The following HSF2BP variants were observed in gnomAD, a reference collection of about 807,000 sequenced individuals.
HSF2BP encodes heat shock factor 2-binding protein.
In HSF2BP, 35 loss-of-function variants were observed where a neutral mutation model predicts 35.0. That is an observed-to-expected ratio of 1.00 (90% CI 0.76 to 1.32). HSF2BP has a LOEUF of 1.32. Ranked by LOEUF, HSF2BP falls within the 40% of genes most tolerant of loss-of-function variation. HSF2BP has a pLI of 0.00. For missense variants in HSF2BP, 326 were observed against 321.7 expected (o/e 1.01, Z -0.10); for synonymous variants, 114 against 117.4 (o/e 0.97, Z 0.18).
intron 8 of HSF2BP, among the ~76,000 whole-genome samples, chr21:43,591,659 CT>C (rs1423316635): frequency 6.6e-6 from 1 of 152,196 alleles, no homozygotes; most frequent in Non-Finnish European, 1.5e-5. Flanking sequence ...CAGTAGGCCC[CT>C]CTTATCCACA....
At chr21:43,573,243 C>CG (rs985952292) in intron 8 of HSF2BP, among the ~76,000 whole-genome samples, 10 of 152,270 alleles carry the variant, frequency 6.6e-5, no homozygotes, top group South Asian at 2.1e-4. Context: ...CCCAGTGTGA[C>CG]GGGGGGCTGA....
chr21:43,635,734 T>C (rs2082542607), intron 4 of HSF2BP, among the ~76,000 whole-genome samples: 3 of 152,058 alleles, frequency 2.0e-5, no homozygotes, highest in East Asian at 3.9e-4. Context: ...CTGACCAACA[T>C]GGTAAAACCC....
intron 4 of HSF2BP, among the ~76,000 whole-genome samples, chr21:43,643,539 T>A (rs1568938069): frequency 1.3e-5 from 2 of 152,174 alleles, no homozygotes; most frequent in Non-Finnish European, 2.9e-5. Flanking sequence ...TGTGATCTCG[T>A]CACACAGCCA....
At chr21:43,658,019 CG>C in intron 2 of HSF2BP, 41 bp downstream of exon 2, 1 of 1,535,046 alleles carries the variant, frequency 6.5e-7, no homozygotes, top group East Asian at 2.4e-5. Flanking sequence ...CGAATGGCGA[CG>C]GTTCAAACAC....
rs554410446 is a variant in HSF2BP, at chr21:43,615,030, C to T, written c.575-1083G>A. ...ACCAGACCGAGTAATTACACTGCTC[C>T]CAATGGGCAGTGCTGCAGCCATTAC... On this transcript the variant is annotated intron_variant, in intron 6 of 8. Coordinates refer to ENST00000291560, the MANE Select transcript of HSF2BP (RefSeq NM_007031.2). Among the ~76,000 whole-genome samples the T allele has an allele frequency of 2.0e-5, 3 of 152,278 alleles. No individual in the cohort carries two copies. The East Asian group carries it at 5.8e-4, about 29-fold the overall frequency.
intron 7 of HSF2BP, among the ~76,000 whole-genome samples, chr21:43,612,107 A>G (rs1039564658): frequency 1.3e-5 from 2 of 152,202 alleles, no homozygotes; most frequent in Admixed American, 1.3e-4. Context: ...GAAACCAAAC[A>G]GAGAAAAGGC....
chr21:43,658,411 C>T (rs1350123474), intron 1 of HSF2BP, 91 bp from the exon 2 acceptor site: 3 of 373,948 alleles, frequency 8.0e-6, no homozygotes, highest in African/African-American at 2.1e-5. Context: ...GAATGCTACA[C>T]TAAGGGGGAC....
intron 4 of HSF2BP, among the ~76,000 whole-genome samples, chr21:43,636,838 GCGGAGATCA>G (rs951204115): frequency 7.0e-6 from 1 of 143,596 alleles, no homozygotes; most frequent in Middle Eastern, 3.7e-3. Flanking sequence ...GCTGCAGTAA[GCGGAGATCA>G]CACCACTACA....
intron 8 of HSF2BP, among the ~76,000 whole-genome samples, chr21:43,571,799 T>C (rs559768689): frequency 7.7e-6 from 1 of 130,112 alleles, no homozygotes; most frequent in Admixed American, 8.0e-5. Context: ...GTGATGAGGA[T>C]GCCCAGGGTT....
In HSF2BP at chr21:43,633,253, G is replaced by C. The variant is rs773893186; in HGVS notation, c.441+19C>G. The C allele has an allele frequency of 2.5e-6, 4 of 1,604,346 alleles. No individual in the cohort carries two copies. The highest frequency in any genetic ancestry group is 3.4e-6 in the Non-Finnish European group (4 of 1,177,112). On this transcript the variant is annotated intron_variant, in intron 5 of 8. Coordinates refer to ENST00000291560, the MANE Select transcript of HSF2BP (RefSeq NM_007031.2). The stretch of plus-strand genomic sequence containing the variant: ...AGCAGTAATCAACAATATCTGGAGA[G>C]CCCACTGACCATACTTACTCCTCCC...
At chr21:43,650,658 C>G (rs1038580582) in intron 3 of HSF2BP, among the ~76,000 whole-genome samples, 8 of 150,986 alleles carry the variant, frequency 5.3e-5, no homozygotes, top group Non-Finnish European at 8.8e-5. Flanking sequence ...AGTGCCACTA[C>G]CTTAACAAGT....
chr21:43,656,701 T>C lies in HSF2BP; in HGVS notation c.73A>G (p.Lys25Glu), dbSNP rs1348156139. The part of the protein sequence containing the change: ...GTKEEFVKVR[K>E]KDLERLTTEV... The stretch of plus-strand genomic sequence containing the variant: ...GTTGTCAGCCGTTCCAGATCCTTCT[T>C]TCTGACTTTAACAAATTCCTCTTTA... The change falls in exon 3 of 9, where the codon AAG (lysine) becomes GAG (glutamate). Residue 25 changes from lysine to glutamate, a missense_variant. By Grantham distance (56) the Lys-to-Glu change is moderately conservative (BLOSUM62 1). Coordinates refer to ENST00000291560, the MANE Select transcript of HSF2BP (RefSeq NM_007031.2). 1 of 1,613,864 alleles carries C rather than the reference T, an allele frequency of 6.2e-7. No individual in the cohort carries two copies. The highest frequency in any genetic ancestry group is 1.3e-5 in the African/African-American group (1 of 74,926).
At chr21:43,657,006 ATTTGGGAGGCCAGGAG>A (rs2082879343) in intron 2 of HSF2BP, among the ~76,000 whole-genome samples, 4 of 152,184 alleles carry the variant, frequency 2.6e-5, no homozygotes, top group Admixed American at 2.6e-4. Flanking sequence ...AATCCCAGGA[ATTTGGGAGGCCAGGAG>A]TTCAAGACCA....
chr21:43,653,220 AGGGAAGGGAAG>A lies in HSF2BP; in HGVS notation c.187+3356_187+3366del, dbSNP rs1311409720. On this transcript the variant is annotated intron_variant, in intron 3 of 8. Coordinates refer to ENST00000291560, the MANE Select transcript of HSF2BP (RefSeq NM_007031.2). ...GGAAGGGGAAGGGAAGGGAAGGGGAAGGGAAGGGAAGGGGAAGGGAAGGGGAGGGGAGGGGA... is the reference window on the plus strand; with the variant it reads ...GGAAGGGGAAGGGAAGGGAAGGGGAAGGGAAGGGAAGGGGAGGGGAGGGGA... 3.5e-4 allele frequency among the ~76,000 whole-genome samples: 35 copies of A among 98,996 alleles called. No individual in the cohort carries two copies. The East Asian group carries it at 5.6e-3, about 16-fold the overall frequency. The allele number at this position is 98,996 out of a possible 152,430, so 64.9% of individuals were successfully genotyped here. A position where few individuals can be genotyped will look rare whatever the true frequency, so the allele number is the denominator to read the frequency against.
intron 8 of HSF2BP, 80 bp downstream of exon 8, chr21:43,592,145 T>C (rs1340315773): frequency 5.6e-6 from 5 of 888,346 alleles, no homozygotes; most frequent in Non-Finnish European, 7.5e-6. Context: ...ACTAGGAAAC[T>C]TGGAACGTAT....
chr21:43,599,297 A>G (rs180893915), intron 7 of HSF2BP, among the ~76,000 whole-genome samples: 11 of 152,346 alleles, frequency 7.2e-5, no homozygotes, highest in African/African-American at 2.4e-4. Flanking sequence ...GCCAAGATAC[A>G]TCTCACAGAA....
At position 43,658,065 on chromosome 21, in the gene HSF2BP, C is replaced by A. The variant is rs1248436191; in HGVS notation, c.32G>T (p.Cys11Phe). The change falls in exon 2 of 9, where the codon TGC (cysteine) becomes TTC (phenylalanine). Residue 11 changes from cysteine (C) to phenylalanine (F), a missense_variant. Cys to Phe is a radical substitution (Grantham distance 205, BLOSUM62 -2). Transcript: ENST00000291560. MGEAGAAEEA[C>F]RHMGTKEEFV... is the part of the protein sequence containing the mutation. The stretch of plus-strand genomic sequence containing the variant: ...GGCCAGGGCTTCCTCACTAACCCGG[C>A]AGGCCTCCTCAGCGGCGCCCGCTTC... The A allele has an allele frequency of 6.5e-7, 1 of 1,535,618 alleles. No individual in the cohort carries two copies. The highest frequency in any genetic ancestry group is 8.7e-7 in the Non-Finnish European group (1 of 1,146,214).
In HSF2BP at chr21:43,622,436, C is replaced by A. The variant is rs556670592; in HGVS notation, c.574+7886G>T. On this transcript the variant is annotated intron_variant, in intron 6 of 8. Transcript: ENST00000291560. ...CTACATGCTGCCTACAAGAAACCCA[C>A]TTCACCCATAAAGGCACATACAGAC... is the stretch of plus-strand genomic sequence containing the variant. 1.6e-4 allele frequency among the ~76,000 whole-genome samples: 24 copies of A among 152,224 alleles called. No individual in the cohort carries two copies. In the East Asian group the frequency reaches 4.1e-3, roughly 26 times the overall value.
chr21:43,574,319 T>A lies in HSF2BP; in HGVS notation c.796+17906A>T, dbSNP rs558812711. Among the ~76,000 whole-genome samples, 68 of 152,218 alleles carry A rather than the reference T, an allele frequency of 4.5e-4. 1 individual carries two copies. Among genetic ancestry groups the A allele is most frequent in the Non-Finnish European group, 7.4e-4 (50 of 68,024 alleles). On this transcript the variant is annotated intron_variant, in intron 8 of 8. Coordinates refer to ENST00000291560, the MANE Select transcript of HSF2BP (RefSeq NM_007031.2). ...CGTTGGGTGATTATCTTGGGAGCAA[T>A]GGTTCCTAAACCTTTTTTTGAGTTT...
Sources: gnomAD v4.1 joint callset for allele counts (sites outside exome capture counted in the v4.1 genomes callset) on GRCh38, gnomAD v4.1.1 for gene constraint, MANE v1.5 for transcripts, NCBI Gene and HGNC (gene_info 2026-07-23, HGNC 2026-07-21) for gene names.